NAA11: variants seen among roughly 807,000 people sequenced by gnomAD.
NAA11 encodes the protein N-alpha-acetyltransferase 11.
NAA11 carries 15 observed loss-of-function variants against 16.1 expected under a neutral mutation model. The observed-to-expected ratio is 0.93, with a 90% CI of 0.62 to 1.44. The LOEUF is 1.44. NAA11 is among the 40% of genes most tolerant of loss of function. The probability of loss-of-function intolerance (pLI) is 0.00; values close to 1 mark genes in which losing one functional copy is unlikely to be tolerated. For missense variants in NAA11, 298 were observed against 291.3 expected (o/e 1.02, Z -0.17); for synonymous variants, 122 against 112.4 (o/e 1.09, Z -0.54).
chr4:79,175,809 T>G, the NAA11 span, among the ~76,000 whole-genome samples: 2 of 151,956 alleles, frequency 1.3e-5, no homozygotes, highest in African/African-American at 4.8e-5. Context: ...AGTTTTGTTT[T>G]GCTCCTTTTT....
At chr4:79,177,916 T>C in the NAA11 span, among the ~76,000 whole-genome samples, 1 of 152,148 alleles carries the variant, frequency 6.6e-6, no homozygotes, top group Non-Finnish European at 1.5e-5. Context: ...TAAATACTAA[T>C]ATCATATGGG....
chr4:79,208,875 A>C, the NAA11 span, among the ~76,000 whole-genome samples: 1 of 141,618 alleles, frequency 7.1e-6, no homozygotes, highest in Admixed American at 7.5e-5. Flanking sequence ...AATTCCCCCA[A>C]ATCTGGAGAT....
the NAA11 span, among the ~76,000 whole-genome samples, chr4:79,207,445 A>G: frequency 6.6e-6 from 1 of 151,814 alleles, no homozygotes; most frequent in African/African-American, 2.4e-5. Context: ...AGAAACACAG[A>G]GCTTTCTTTC....
chr4:79,290,090 T>C (rs1475218701), intron 2 of NAA11, among the ~76,000 whole-genome samples: 1 of 152,132 alleles, frequency 6.6e-6, no homozygotes. Flanking sequence ...TTTGAGGTGA[T>C]ATAAAGAAGC....
At chr4:79,298,188 C>G (rs1578185326) in intron 1 of NAA11, among the ~76,000 whole-genome samples, 2 of 152,218 alleles carry the variant, frequency 1.3e-5, no homozygotes, top group African/African-American at 4.8e-5. Flanking sequence ...GCAGGTCTCC[C>G]CTGAGCTGTT....
chr4:79,280,240 G>A (rs1722752180), intron 2 of NAA11, among the ~76,000 whole-genome samples: 2 of 68,764 alleles, frequency 2.9e-5, no homozygotes, highest in Non-Finnish European at 5.6e-5. Context: ...TAAAGAGGCA[G>A]TAAGGTTGTG....
the NAA11 span, among the ~76,000 whole-genome samples, chr4:79,208,000 A>G: frequency 6.6e-6 from 1 of 152,160 alleles, no homozygotes; most frequent in Non-Finnish European, 1.5e-5. Context: ...ACAAAGATCA[A>G]ATTATGATAT....
the NAA11 span, among the ~76,000 whole-genome samples, chr4:79,196,955 C>CAAAAAAAAAAAAAAAAAAAAAAAA: frequency 1.3e-3 from 112 of 86,184 alleles, no homozygotes; most frequent in Middle Eastern, 0.01. Flanking sequence ...ATGAAAAAGA[C>CAAAAAAAAAAAAAAAAAAAAAAAA]AAAAAAAAAA....
At chr4:79,312,727 A>C (rs949842454), downstream of NAA11, among the ~76,000 whole-genome samples, 42 of 151,104 alleles carry the variant, frequency 2.8e-4, no homozygotes, top group African/African-American at 1.0e-3. Flanking sequence ...TGGCCTCAAG[A>C]GATCTTCCCA....
At chr4:79,304,507 AC>A (rs1262262265) in intron 1 of NAA11, among the ~76,000 whole-genome samples, 1 of 152,174 alleles carries the variant, frequency 6.6e-6, no homozygotes, top group East Asian at 1.9e-4. Context: ...TGCTTTAATA[AC>A]AAATGTTAGT....
the NAA11 span, among the ~76,000 whole-genome samples, chr4:79,192,253 GT>G: frequency 6.6e-6 from 1 of 151,476 alleles, no homozygotes; most frequent in Non-Finnish European, 1.5e-5. Context: ...TGTACTTTAG[GT>G]TTTAGGGTAC....
the NAA11 span, among the ~76,000 whole-genome samples, chr4:79,161,290 C>T: frequency 1.3e-5 from 2 of 151,934 alleles, no homozygotes; most frequent in Non-Finnish European, 2.9e-5. Context: ...ATTCTTCTGC[C>T]TCAGAAGAAT....
intron 2 of NAA11, among the ~76,000 whole-genome samples, chr4:79,226,843 G>C (rs1721328791): frequency 1.3e-5 from 2 of 152,002 alleles, no homozygotes; most frequent in South Asian, 2.1e-4. Flanking sequence ...GGACATTTGG[G>C]TTGGTTCCAA....
chr4:79,309,916 C>T (rs143832443), intron 1 of NAA11, among the ~76,000 whole-genome samples: 3,618 of 152,032 alleles, frequency 0.024, 163 homozygotes, highest in African/African-American at 0.084. Flanking sequence ...GAGGTTTCAC[C>T]GTGTTAGCCA....
chr4:79,210,187 C>T, the NAA11 span, among the ~76,000 whole-genome samples: 21 of 151,980 alleles, frequency 1.4e-4, no homozygotes, highest in East Asian at 2.9e-3. Flanking sequence ...TGGAGGGTGG[C>T]GGGATTGGAG....
At chr4:79,202,623 T>TTATATATATATATATATATGTA in the NAA11 span, among the ~76,000 whole-genome samples, 5 of 52,622 alleles carry the variant, frequency 9.5e-5, no homozygotes, top group African/African-American at 1.8e-4. Flanking sequence ...ATATATAGTT[T>TTATATATATATATATATATGTA]TATATATATA....
At chr4:79,202,873 A>G in the NAA11 span, among the ~76,000 whole-genome samples, 2 of 150,806 alleles carry the variant, frequency 1.3e-5, no homozygotes, top group Non-Finnish European at 3.0e-5. Flanking sequence ...CTTATTAGTG[A>G]GGTAAACCTA....
At chr4:79,323,782 C>T (rs1434853157) in intron 1 of NAA11, among the ~76,000 whole-genome samples, 1 of 151,906 alleles carries the variant, frequency 6.6e-6, no homozygotes, top group Non-Finnish European at 1.5e-5. Context: ...GACAGTGCCA[C>T]GGCACTCCAG....
At chr4:79,161,051 G>A in the NAA11 span, among the ~76,000 whole-genome samples, 1 of 152,160 alleles carries the variant, frequency 6.6e-6, no homozygotes, top group African/African-American at 2.4e-5. Flanking sequence ...TCTTCCAAGA[G>A]CTTTATACTT....
Sources: allele counts gnomAD v4.1 joint callset (sites outside exome capture counted in the v4.1 genomes callset), GRCh38; gene constraint gnomAD v4.1.1; transcripts MANE v1.5; gene names NCBI Gene and HGNC (gene_info 2026-07-23, HGNC 2026-07-21).